Variants in YTHDC2 observed in about 807,000 individuals in gnomAD.
The protein encoded by YTHDC2 is 3'-5' RNA helicase YTHDC2.
In YTHDC2, 45 loss-of-function variants were observed where a neutral mutation model predicts 174.9. The observed-to-expected ratio is 0.26, with a 90% CI of 0.20 to 0.33. The LOEUF is 0.33. YTHDC2 is among the 10% of genes least tolerant of loss of function. The pLI is 1.00. For missense variants in YTHDC2, 1,650 were observed against 1,723.7 expected, an observed-to-expected ratio of 0.96 and a Z score of 0.76; for synonymous variants, 657 against 574.5, an observed-to-expected ratio of 1.14 and a Z score of -2.05.
intron 24 of YTHDC2, chr5:113,581,214 T>C: frequency 2.2e-6 from 1 of 446,090 alleles, no homozygotes; most frequent in Non-Finnish European, 3.8e-6. Context: ...GACTATTTAA[T>C]TTGATTTTGT....
intron 10 of YTHDC2, among the ~76,000 whole-genome samples, chr5:113,542,901 T>G (rs1021294511): frequency 6.6e-6 from 1 of 152,212 alleles, no homozygotes; most frequent in Admixed American, 6.5e-5. Flanking sequence ...GATTACTTTC[T>G]TCTTGAAATA....
intron 10 of YTHDC2, 33 bp downstream of exon 10, chr5:113,542,536 T>TA: frequency 6.4e-7 from 1 of 1,564,144 alleles, no homozygotes. Flanking sequence ...AAATTACCCT[T>TA]ACAGTTATTT....
intron 4 of YTHDC2, among the ~76,000 whole-genome samples, chr5:113,532,140 G>A (rs1455991309): frequency 1.3e-5 from 2 of 152,162 alleles, no homozygotes; most frequent in South Asian, 2.1e-4. Context: ...GATGGAATAT[G>A]CAGCTGTTAA....
chr5:113,587,891 G>A (rs551894393), intron 26 of YTHDC2, among the ~76,000 whole-genome samples: 14 of 151,822 alleles, frequency 9.2e-5, no homozygotes, highest in Non-Finnish European at 1.6e-4. Flanking sequence ...TAATCCATAA[G>A]CATAGTATAT....
At chr5:113,579,007 A>G (rs1261333856) in intron 23 of YTHDC2, among the ~76,000 whole-genome samples, 1 of 152,010 alleles carries the variant, frequency 6.6e-6, no homozygotes. Context: ...TTTTGTAGAT[A>G]GATTTTTGCT....
intron 26 of YTHDC2, among the ~76,000 whole-genome samples, chr5:113,589,139 A>G (rs1033384766): frequency 7.9e-5 from 12 of 151,620 alleles, no homozygotes; most frequent in African/African-American, 2.9e-4. Context: ...ATTTTGTATT[A>G]TTTACTTCTG....
intron 20 of YTHDC2, 136 bp downstream of exon 20, chr5:113,564,267 G>A (rs1413138045): frequency 9.9e-7 from 1 of 1,009,720 alleles, no homozygotes; most frequent in Non-Finnish European, 1.4e-6. Context: ...CACATTAATA[G>A]TCCTGAAAAA....
At chr5:113,525,236 C>A (rs1774132664) in intron 3 of YTHDC2, 59 bp downstream of exon 3, 3 of 1,333,368 alleles carry the variant, frequency 2.2e-6, no homozygotes, top group South Asian at 1.6e-5. Context: ...TGTTCTTTTT[C>A]CATTTTAGAT....
intron 17 of YTHDC2, chr5:113,556,407 A>G: frequency 4.4e-6 from 1 of 229,286 alleles, no homozygotes; most frequent in Non-Finnish European, 8.4e-6. Flanking sequence ...TATGCAATGT[A>G]GGACAAAGAG....
intron 4 of YTHDC2, among the ~76,000 whole-genome samples, chr5:113,532,494 T>C (rs2112579197): frequency 6.6e-6 from 1 of 152,310 alleles, no homozygotes. Context: ...TTAATTTTTA[T>C]TTTATTGACT....
At chr5:113,520,191 G>A (rs2112528474) in intron 2 of YTHDC2, among the ~76,000 whole-genome samples, 1 of 152,222 alleles carries the variant, frequency 6.6e-6, no homozygotes, top group East Asian at 1.9e-4. Context: ...GAGGATGATG[G>A]TTTCCAGCTT....
chr5:113,541,994 C>T (rs58479323), intron 9 of YTHDC2, among the ~76,000 whole-genome samples: 17,521 of 152,088 alleles, frequency 0.12, 1,132 homozygotes, highest in African/African-American at 0.14. Flanking sequence ...TTCTGATGCA[C>T]TTGCTCTGGG....
At chr5:113,514,118 G>T (rs375164034) in intron 1 of YTHDC2, 36 bp downstream of exon 1, 10 of 1,594,440 alleles carry the variant, frequency 6.3e-6, no homozygotes, top group African/African-American at 1.3e-5. Flanking sequence ...TGGCAGTCAG[G>T]ATACCCCCCT....
At chr5:113,560,369 T>C (rs1283808149) in intron 17 of YTHDC2, among the ~76,000 whole-genome samples, 3 of 152,208 alleles carry the variant, frequency 2.0e-5, no homozygotes, top group African/African-American at 7.2e-5. Context: ...TTTTTTTCTC[T>C]TTTAATTCCA....
At chr5:113,577,135 ACCTTTTTGTATACTCTATT>A (rs1778107707) in intron 23 of YTHDC2, among the ~76,000 whole-genome samples, 1 of 152,090 alleles carries the variant, frequency 6.6e-6, no homozygotes, top group Admixed American at 6.6e-5. Context: ...GGTATCTTTA[ACCTTTTTGTATACTCTATT>A]CCTTTACATT....
intron 7 of YTHDC2, among the ~76,000 whole-genome samples, chr5:113,537,122 A>G (rs1436256982): frequency 6.6e-6 from 1 of 152,116 alleles, no homozygotes; most frequent in Non-Finnish European, 1.5e-5. Flanking sequence ...ATTTCTAGGG[A>G]TAGATTTCTG....
At chr5:113,580,436 A>G (rs1217183235) in intron 24 of YTHDC2, among the ~76,000 whole-genome samples, 1 of 152,102 alleles carries the variant, frequency 6.6e-6, no homozygotes, top group Non-Finnish European at 1.5e-5. Flanking sequence ...GGGAGGATGA[A>G]TGTTTCTTTT....
intron 18 of YTHDC2, among the ~76,000 whole-genome samples, chr5:113,561,713 C>T (rs186824750): frequency 1.6e-4 from 25 of 151,954 alleles, no homozygotes; most frequent in East Asian, 7.7e-4. Flanking sequence ...ATGATTCACC[C>T]GCCTCAGCCT....
At chr5:113,544,672 T>G (rs1418516624) in intron 10 of YTHDC2, among the ~76,000 whole-genome samples, 1 of 148,552 alleles carries the variant, frequency 6.7e-6, no homozygotes. Flanking sequence ...TGAAGATGAT[T>G]ATTCTTTTTC....
Sources: allele counts gnomAD v4.1 joint callset (sites outside exome capture counted in the v4.1 genomes callset), GRCh38; gene constraint gnomAD v4.1.1; transcripts MANE v1.5; gene names NCBI Gene and HGNC (gene_info 2026-07-23, HGNC 2026-07-21).